CHRNA3: variants seen among roughly 807,000 people sequenced by gnomAD.
CHRNA3 encodes cholinergic receptor nicotinic alpha 3 subunit, also known as neuronal acetylcholine receptor subunit alpha-3.
CHRNA3 carries 34 observed loss-of-function variants against 41.9 expected under a neutral mutation model. The observed-to-expected ratio is 0.81, with a 90% CI of 0.62 to 1.08. The LOEUF is 1.08. CHRNA3 is among the 50% of genes least tolerant of loss of function. The pLI is 0.00. For synonymous variants in CHRNA3, 281 were observed against 265.2 expected (o/e 1.06, Z -0.58); for missense variants, 542 against 638.3 (o/e 0.85, Z 1.63).
intron 4 of CHRNA3, among the ~76,000 whole-genome samples, chr15:78,610,158 G>A (rs1232409268): frequency 4.6e-5 from 7 of 152,122 alleles, no homozygotes; most frequent in Non-Finnish European, 2.9e-5. Context: ...GTCAACATTA[G>A]ACAGATCAAC....
chr15:78,600,263 C>G (rs540016519), intron 5 of CHRNA3, among the ~76,000 whole-genome samples: 5 of 151,854 alleles, frequency 3.3e-5, no homozygotes, highest in Non-Finnish European at 4.4e-5. Flanking sequence ...CTGTTAGAGA[C>G]GGGGTTTCGC....
intron 4 of CHRNA3, among the ~76,000 whole-genome samples, chr15:78,612,408 C>T (rs1447394938): frequency 5.0e-5 from 7 of 141,318 alleles, no homozygotes; most frequent in Non-Finnish European, 7.7e-5. Flanking sequence ...TCAGAAATAA[C>T]GCCACATATC....
chr15:78,618,952 G>C (rs764461118), intron 1 of CHRNA3, 37 bp from the exon 2 acceptor site: 1 of 1,607,330 alleles, frequency 6.2e-7, no homozygotes, highest in Non-Finnish European at 8.5e-7. Context: ...TGGGGAAATC[G>C]TTACTTAACC....
At chr15:78,602,400 G>A (rs2053220164) in intron 4 of CHRNA3, 136 bp from the exon 5 acceptor site, 5 of 991,666 alleles carry the variant, frequency 5.0e-6, no homozygotes, top group South Asian at 3.5e-5. Flanking sequence ...GCCATAAAAG[G>A]TCACCCATTT....
intron 3 of CHRNA3, 59 bp from the exon 4 acceptor site, chr15:78,617,192 T>C: frequency 1.7e-6 from 2 of 1,189,090 alleles, no homozygotes; most frequent in Admixed American, 1.9e-5. Context: ...CTGGTTTTAC[T>C]TCCCGTGGCA....
intron 4 of CHRNA3, among the ~76,000 whole-genome samples, chr15:78,613,667 A>T (rs1459109640): frequency 4.0e-5 from 6 of 151,418 alleles, no homozygotes; most frequent in African/African-American, 4.9e-5. Flanking sequence ...ACATGTATAC[A>T]TATGTAACAA....
rs183350892 is a variant in CHRNA3, at chr15:78,607,945, C to G, written c.378-5681G>C. Among the ~76,000 whole-genome samples, 11 of 152,330 alleles carry G rather than the reference C, an allele frequency of 7.2e-5. No individual in the cohort carries two copies. In the East Asian group the frequency reaches 1.9e-3, roughly 27 times the overall value. ...CATCCTGCACCTTGCTCGGAGGGTC[C>G]TACACACACGGAGTCTTGCTGATGG... On this transcript the variant is annotated intron_variant, in intron 4 of 5. Transcript: ENST00000326828.
intron 1 of CHRNA3, 91 bp downstream of exon 1, chr15:78,620,622 C>A (rs1244088971): frequency 3.5e-6 from 5 of 1,434,110 alleles, no homozygotes; most frequent in Non-Finnish European, 4.5e-6. Flanking sequence ...TCTCCGCTCG[C>A]CCGCGCGGTG....
At chr15:78,597,447 A>G (rs922227119) in intron 5 of CHRNA3, among the ~76,000 whole-genome samples, 1 of 131,094 alleles carries the variant, frequency 7.6e-6, no homozygotes, top group African/African-American at 2.9e-5. Flanking sequence ...AACAAAATAA[A>G]TTTCCTTTTA....
intron 4 of CHRNA3, among the ~76,000 whole-genome samples, chr15:78,611,918 C>T (rs547697806): frequency 5.9e-5 from 9 of 152,164 alleles, no homozygotes; most frequent in East Asian, 1.9e-4. Flanking sequence ...CATTCTTACA[C>T]GCCAATAACA....
At chr15:78,609,779 C>A (rs1193947531) in intron 4 of CHRNA3, among the ~76,000 whole-genome samples, 1 of 152,146 alleles carries the variant, frequency 6.6e-6, no homozygotes, top group Non-Finnish European at 1.5e-5. Flanking sequence ...AAGACACAGA[C>A]TAGCAAATTG....
At chr15:78,594,241 A>G (rs951487667), downstream of CHRNA3, 4 of 152,212 alleles carry the variant, frequency 2.6e-5, no homozygotes, top group African/African-American at 4.8e-5. Context: ...ACGCAGTAGC[A>G]TATCCTTAAC....
chr15:78,616,830 G>A (rs193260538), intron 4 of CHRNA3, among the ~76,000 whole-genome samples, 194 bp downstream of exon 4: 2 of 152,302 alleles, frequency 1.3e-5, no homozygotes, highest in Non-Finnish European at 2.9e-5. Context: ...TCAGCACACT[G>A]CTGCTCTCTG....
chr15:78,613,125 G>C (rs889024858), intron 4 of CHRNA3, among the ~76,000 whole-genome samples: 27 of 152,202 alleles, frequency 1.8e-4, no homozygotes, highest in East Asian at 1.5e-3. Flanking sequence ...GTTGGTGGGA[G>C]TGTAAACTAG....
At chr15:78,608,864 A>T (rs553537267) in intron 4 of CHRNA3, among the ~76,000 whole-genome samples, 10 of 152,368 alleles carry the variant, frequency 6.6e-5, no homozygotes, top group African/African-American at 2.4e-4. Flanking sequence ...TAACTAGAAT[A>T]ACCAATGCAG....
intron 4 of CHRNA3, among the ~76,000 whole-genome samples, chr15:78,611,587 G>A (rs897268170): frequency 3.3e-5 from 5 of 152,262 alleles, no homozygotes; most frequent in South Asian, 2.1e-4. Flanking sequence ...AATAAGAGCT[G>A]TCTATGAGAA....
intron 4 of CHRNA3, among the ~76,000 whole-genome samples, chr15:78,609,316 G>A (rs1282849120): frequency 6.6e-6 from 1 of 152,106 alleles, no homozygotes; most frequent in East Asian, 1.9e-4. Context: ...AAATGTTAAG[G>A]GCAGCCAGAA....
intron 4 of CHRNA3, among the ~76,000 whole-genome samples, chr15:78,603,957 C>A (rs1381498516): frequency 1.3e-5 from 2 of 152,040 alleles, no homozygotes; most frequent in East Asian, 3.9e-4. Context: ...ATGTTTAGCA[C>A]TGAGGGGCCC....
intron 4 of CHRNA3, among the ~76,000 whole-genome samples, chr15:78,613,950 TG>T (rs1342696571): frequency 2.0e-5 from 3 of 148,698 alleles, no homozygotes; most frequent in Non-Finnish European, 4.5e-5. Flanking sequence ...CATCTCGGGG[TG>T]GGGGGAAAAA....
Sources: allele counts gnomAD v4.1 joint callset (sites outside exome capture counted in the v4.1 genomes callset), GRCh38; gene constraint gnomAD v4.1.1; transcripts MANE v1.5; gene names NCBI Gene and HGNC (gene_info 2026-07-23, HGNC 2026-07-21).